RHOBTB1: variants seen among roughly 807,000 people sequenced by gnomAD.
RHOBTB1 encodes rho-related BTB domain-containing protein 1.
RHOBTB1 carries 40 observed loss-of-function variants against 71.6 expected under a neutral mutation model. The ratio of observed to expected loss-of-function variants is 0.56; its 90% CI spans 0.43 to 0.73. The LOEUF is 0.73. Among genes scored for constraint, RHOBTB1 ranks in the 30% least tolerant of loss-of-function variants. The probability of loss-of-function intolerance (pLI) is 0.00; values close to 1 mark genes in which losing one functional copy is unlikely to be tolerated. For missense variants in RHOBTB1, 797 were observed against 894.0 expected, an observed-to-expected ratio of 0.89 and a Z score of 1.38; for synonymous variants, 319 against 334.9, an observed-to-expected ratio of 0.95 and a Z score of 0.52.
At chr10:60,868,303 CATCT>C (rs1203093783), downstream of RHOBTB1, among the ~76,000 whole-genome samples, 8 of 151,920 alleles carry the variant, frequency 5.3e-5, 1 homozygote, top group Admixed American at 3.3e-4. Context: ...ATCTATCTAT[CATCT>C]ATCTATCTAT....
chr10:60,959,375 A>G (rs956215100), intron 2 of RHOBTB1, among the ~76,000 whole-genome samples: 2 of 152,166 alleles, frequency 1.3e-5, no homozygotes, highest in African/African-American at 4.8e-5. Context: ...CCACCATTTG[A>G]GGAACAATGC....
Position 60,878,058 on chromosome 10 carries a change from C to A in RHOBTB1, c.1576G>T (p.Val526Leu), listed in dbSNP as rs1415061962. 1.9e-6 allele frequency: 3 copies of A among 1,608,350 alleles called. No homozygotes were observed. Among genetic ancestry groups the A allele is most frequent in the African/African-American group, 1.3e-5 (1 of 74,610 alleles). The change falls in exon 8 of 11, where the codon GTG becomes TTG. Residue 526 changes from valine to leucine, a missense_variant and splice_region_variant. Val to Leu is a conservative substitution (Grantham distance 32). Coordinates refer to ENST00000337910, the MANE Select transcript of RHOBTB1 (RefSeq NM_014836.5). ...GSFVESANSE[V>L]YLPNINKISM... is the part of the protein sequence containing the mutation. Reference sequence around the variant, plus strand: ...ATCTTGTTTATGTTCGGGAGATACACCTGAAATGTTATACAAAAAGCTAAA... The same window carrying A: ...ATCTTGTTTATGTTCGGGAGATACAACTGAAATGTTATACAAAAAGCTAAA...
At position 60,877,954 on chromosome 10, in the gene RHOBTB1, A is replaced by G. The variant is rs780314187; in HGVS notation, c.1680T>C (p.Ile560=). ...PNLDLDPLEL[I]ALANRFCLPH... ...GCAGGCAAAATCTGTTTGCCAAGGC[A>G]ATTAATTCCAGCGGGTCCAGATCCA... The change falls in exon 8 of 11, where the codon ATT becomes ATC. Residue 560 remains isoleucine, a synonymous_variant. Transcript: ENST00000337910. 6.2e-7 allele frequency: 1 copy of G among 1,614,076 alleles called. No homozygotes were observed. The highest frequency in any genetic ancestry group is 8.5e-7 in the Non-Finnish European group (1 of 1,179,962).
intron 2 of RHOBTB1, among the ~76,000 whole-genome samples, chr10:60,960,743 T>A (rs925623774): frequency 3.3e-5 from 5 of 152,214 alleles, no homozygotes; most frequent in Non-Finnish European, 5.9e-5. Flanking sequence ...TGGGCTGCCC[T>A]GGCAGCTACC....
intron 2 of RHOBTB1, among the ~76,000 whole-genome samples, chr10:60,919,778 T>G (rs912068862): frequency 1.3e-5 from 2 of 152,246 alleles, no homozygotes; most frequent in African/African-American, 4.8e-5. Flanking sequence ...CAGGGCTCTC[T>G]GACAGTGGAG....
chr10:60,862,728 T>C, the RHOBTB1 span, among the ~76,000 whole-genome samples: 1 of 135,128 alleles, frequency 7.4e-6, no homozygotes, highest in African/African-American at 3.0e-5. Flanking sequence ...CTTTCTTTCC[T>C]ATTTCTCTCT....
intron 2 of RHOBTB1, among the ~76,000 whole-genome samples, chr10:60,927,650 T>C (rs1019423354): frequency 6.6e-5 from 10 of 152,296 alleles, no homozygotes; most frequent in African/African-American, 2.4e-4. Context: ...CTGGGAAAAC[T>C]GGCTATCCAT....
chr10:60,879,602 C>T (rs1158469703), intron 7 of RHOBTB1, among the ~76,000 whole-genome samples: 2 of 151,970 alleles, frequency 1.3e-5, no homozygotes, highest in African/African-American at 2.4e-5. Context: ...GCCTTGGCTT[C>T]CCAAAGTGCT....
downstream of RHOBTB1, among the ~76,000 whole-genome samples, chr10:60,865,196 T>G (rs1385014368): frequency 6.6e-6 from 1 of 152,166 alleles, no homozygotes; most frequent in Non-Finnish European, 1.5e-5. Flanking sequence ...AATAAATAAT[T>G]TATCCAGGAC....
rs776590525 is a variant in RHOBTB1, at chr10:60,886,156, C to T, written c.1531G>A (p.Ala511Thr). The T allele has an allele frequency of 6.2e-7, 1 of 1,613,990 alleles. No individual in the cohort carries two copies. ...ACAAATGACCCCCCGAACATGGCTG[C>T]CATCCACTCACAGCTACAGATCAGC... ...PLLICSCEWM[A>T]AMFGGSFVES... The change falls in exon 7 of 11, where the codon GCA becomes ACA. Residue 511 changes from alanine (A) to threonine (T), a missense_variant. By Grantham distance (58) the Ala-to-Thr change is moderately conservative. Transcript: ENST00000337910.
In RHOBTB1 at chr10:60,874,987, G is replaced by A. The variant is rs193102817; in HGVS notation, c.1782C>T (p.Asp594=). ...TKAATSGVGI[D]GEVLSYLELA... is the part of the protein sequence containing the mutation. ...ATTCCAAGTAAGAGAGCACTTCTCC[G>A]TCAATGCCCACGCCACTCGTGGCGG... Residue 594 remains aspartate (D), a synonymous_variant, in exon 9 of 11, where the codon GAC becomes GAT. Transcript: ENST00000337910. 1,168 of 1,614,040 alleles carry A rather than the reference G, an allele frequency of 7.2e-4. 9 individuals carry two copies. The East Asian group carries it at 0.014, about 19-fold the overall frequency.
chr10:60,901,979 G>T (rs2082433929), intron 4 of RHOBTB1, among the ~76,000 whole-genome samples: 1 of 152,170 alleles, frequency 6.6e-6, no homozygotes, highest in African/African-American at 2.4e-5. Flanking sequence ...TCCTGGCCCT[G>T]GCACATGGGT....
intron 1 of RHOBTB1, among the ~76,000 whole-genome samples, chr10:60,999,457 C>T (rs1210337281): frequency 6.6e-6 from 1 of 152,108 alleles, no homozygotes; most frequent in South Asian, 2.1e-4. Context: ...AACAGAAGAA[C>T]GACACACTTT....
chr10:60,895,141 A>G (rs528074532), intron 4 of RHOBTB1, among the ~76,000 whole-genome samples: 4 of 152,336 alleles, frequency 2.6e-5, no homozygotes, highest in African/African-American at 7.2e-5. Flanking sequence ...TGTCACATCA[A>G]TATCTAAATG....
the RHOBTB1 span, among the ~76,000 whole-genome samples, chr10:60,861,237 G>A: frequency 0.18 from 27,524 of 152,076 alleles, 2,782 homozygotes; most frequent in African/African-American, 0.27. Flanking sequence ...TAAGATTTGG[G>A]AATTGTTTTC....
chr10:60,953,089 A>G (rs903472961), intron 2 of RHOBTB1, among the ~76,000 whole-genome samples: 1 of 152,192 alleles, frequency 6.6e-6, no homozygotes, highest in Non-Finnish European at 1.5e-5. Context: ...GATGAGATAA[A>G]ATGGGAAAGT....
chr10:60,947,495 C>G (rs1462036882), upstream of RHOBTB1, among the ~76,000 whole-genome samples: 1 of 152,166 alleles, frequency 6.6e-6, no homozygotes, highest in Middle Eastern at 3.2e-3. Flanking sequence ...AATCCCCAAC[C>G]ATTAATCTGT....
At chr10:60,917,857 A>G (rs1165827035) in intron 2 of RHOBTB1, among the ~76,000 whole-genome samples, 1 of 152,182 alleles carries the variant, frequency 6.6e-6, no homozygotes, top group East Asian at 1.9e-4. Context: ...AACCTTACTC[A>G]GACATCACCT....
chr10:60,981,245 T>C (rs1251620736), intron 2 of RHOBTB1, among the ~76,000 whole-genome samples: 1 of 152,124 alleles, frequency 6.6e-6, no homozygotes, highest in African/African-American at 2.4e-5. Flanking sequence ...TAATTAGAAC[T>C]CCAAGGCAAT....
Sources: gnomAD v4.1 joint callset for allele counts (sites outside exome capture counted in the v4.1 genomes callset) on GRCh38, gnomAD v4.1.1 for gene constraint, MANE v1.5 for transcripts, NCBI Gene and HGNC (gene_info 2026-07-23, HGNC 2026-07-21) for gene names.